RASAL1: variants seen among roughly 807,000 people sequenced by gnomAD.
The protein encoded by RASAL1 is RAS protein activator like 1, also known as rasGAP-activating-like protein 1.
RASAL1 carries 72 observed loss-of-function variants against 96.6 expected under a neutral mutation model. The ratio of observed to expected loss-of-function variants is 0.75; its 90% CI spans 0.62 to 0.91. The LOEUF (loss-of-function observed/expected upper bound fraction) is 0.91. Ranked by LOEUF, RASAL1 falls within the 40% of genes least tolerant of loss-of-function variation. RASAL1 has a pLI of 0.00. For missense variants in RASAL1, 1,016 were observed against 1,072.5 expected (o/e 0.95, Z 0.74); for synonymous variants, 405 against 430.4 (o/e 0.94, Z 0.73).
Position 113,135,586 on chromosome 12 carries a change from C to T in RASAL1, c.-124G>A. 1 of 798,314 alleles carries T rather than the reference C, an allele frequency of 1.3e-6. No individual in the cohort carries two copies. Among genetic ancestry groups the T allele is most frequent in the Non-Finnish European group, 2.0e-6 (1 of 491,214 alleles). The allele number at this position is 798,314 out of a possible 1,614,324, so 49.5% of individuals were successfully genotyped here. A position where few individuals can be genotyped will look rare whatever the true frequency, so the allele number is the denominator to read the frequency against. On this transcript the variant is annotated 5_prime_UTR_variant, in exon 1 of 21. Coordinates refer to ENST00000548055, the MANE Select transcript of RASAL1 (RefSeq NM_001301202.2). The surrounding 1 kb of genome is among the most constrained non-coding windows in gnomAD (Gnocchi z 5.7). Reference sequence around the variant, plus strand: ...CCTCGTGGTCCCAGTGCCGCCTGTCCGAGACCCGGGTAGCTGGATGGGAGA... The same window carrying T: ...CCTCGTGGTCCCAGTGCCGCCTGTCTGAGACCCGGGTAGCTGGATGGGAGA...
In RASAL1 at chr12:113,115,527, A is replaced by C; in HGVS notation, c.1003+108T>G. On this transcript the variant is annotated intron_variant, in intron 10 of 20. Coordinates refer to ENST00000548055, the MANE Select transcript of RASAL1 (RefSeq NM_001301202.2). This position sits in a 1 kb window ranked among gnomAD's most constrained non-coding sequence, Gnocchi z 4.1. ...TGCACAGCACAGGGACCCACAGAAA[A>C]AGGAGCCCTTTTTCCCTCTGCCTGA... The C allele has an allele frequency of 7.1e-7, 1 of 1,411,722 alleles. No individual in the cohort carries two copies. Among genetic ancestry groups the C allele is most frequent in the African/African-American group, 1.4e-5 (1 of 70,016 alleles). 87.4% of individuals were successfully genotyped at this position (1,411,722 alleles called of 1,614,324 possible). A position where few individuals can be genotyped will look rare whatever the true frequency, so the allele number is the denominator to read the frequency against.
At chr12:113,102,111 C>A in intron 18 of RASAL1, 102 bp from the exon 19 acceptor site, 1 of 1,396,020 alleles carries the variant, frequency 7.2e-7, no homozygotes, top group Non-Finnish European at 9.8e-7. Context: ...CTGTAAAATC[C>A]CTCCTCAAAC....
chr12:113,121,513 C>T lies in RASAL1; in HGVS notation c.424G>A (p.Ala142Thr), dbSNP rs776320770. The T allele has an allele frequency of 5.0e-6, 8 of 1,614,172 alleles. No homozygotes were observed. The highest frequency in any genetic ancestry group is 2.5e-6 in the Non-Finnish European group (3 of 1,180,022). Residue 142 changes from alanine to threonine, a missense_variant, in exon 5 of 21, where the codon GCC becomes ACC. Physicochemically the swap from Ala to Thr is moderately conservative, Grantham distance 58. Transcript: ENST00000548055. Reference sequence around the variant, plus strand: ...CCACCTCCACCTTAAGCATACCTGGCCTGAAGCACATGGCAGCGAAGGCAG... The same window carrying T: ...CCACCTCCACCTTAAGCATACCTGGTCTGAAGCACATGGCAGCGAAGGCAG... ...GRCLRCHVLQ[A>T]RDLAPRDISG... is the part of the protein sequence containing the mutation.
chr12:113,133,518 A>G (rs142463372), intron 1 of RASAL1, among the ~76,000 whole-genome samples: 231 of 152,314 alleles, frequency 1.5e-3, no homozygotes, highest in Non-Finnish European at 2.5e-3. Context: ...ACTGACTGCT[A>G]CTATTTCTAA....
chr12:113,109,788 C>T (rs1950803657), intron 13 of RASAL1, among the ~76,000 whole-genome samples: 1 of 152,186 alleles, frequency 6.6e-6, no homozygotes, highest in South Asian at 2.1e-4. Flanking sequence ...GAGCCCTGAA[C>T]TGTCCCCCTC....
In RASAL1 at chr12:113,115,647, C is replaced by A; in HGVS notation, c.991G>T (p.Val331Leu). The change falls in exon 10 of 21, where the codon GTG becomes TTG. Residue 331 changes from valine (V) to leucine (L), a missense_variant. Transcript: ENST00000548055. This position sits in a 1 kb window ranked among gnomAD's most constrained non-coding sequence, Gnocchi z 4.1. ...GCGGGCAACTCACTGGTCCGAGCCACCTCACGCCGGGTGAGATAGTCCAGA... is the reference window on the plus strand; with the variant it reads ...GCGGGCAACTCACTGGTCCGAGCCAACTCACGCCGGGTGAGATAGTCCAGA... ...RFLDYLTRRE[V>L]ARTMDPNTLF... is the part of the protein sequence containing the mutation. 6.2e-7 allele frequency: 1 copy of A among 1,613,422 alleles called. No homozygotes were observed. The highest frequency in any genetic ancestry group is 8.5e-7 in the Non-Finnish European group (1 of 1,179,984).
chr12:113,115,531 A>G lies in RASAL1; in HGVS notation c.1003+104T>C. The G allele has an allele frequency of 1.4e-6, 2 of 1,410,324 alleles. No individual in the cohort carries two copies. The highest frequency in any genetic ancestry group is 1.9e-6 in the Non-Finnish European group (2 of 1,044,460). 87.4% of individuals were successfully genotyped at this position (1,410,324 alleles called of 1,614,324 possible). On this transcript the variant is annotated intron_variant, in intron 10 of 20. Transcript: ENST00000548055. This position sits in a 1 kb window ranked among gnomAD's most constrained non-coding sequence, Gnocchi z 4.1. ...CAGCACAGGGACCCACAGAAAAAGGAGCCCTTTTTCCCTCTGCCTGAGGCC... is the reference window on the plus strand; with the variant it reads ...CAGCACAGGGACCCACAGAAAAAGGGGCCCTTTTTCCCTCTGCCTGAGGCC...
chr12:113,117,095 G>C lies in RASAL1; in HGVS notation c.709C>G (p.Pro237Ala). 1 of 1,608,882 alleles carries C rather than the reference G, an allele frequency of 6.2e-7. No individual in the cohort carries two copies. The stretch of plus-strand genomic sequence containing the variant: ...TACCCAGAATCCTCCTCGGCTCTGG[G>C]AAAGGGCAGGAGGCGGAACCAGCCT... ...PKGWFRLLPF[P>A]RAEEDSGGNL... The change falls in exon 8 of 21, where the codon CCC becomes GCC. Residue 237 changes from proline to alanine, a missense_variant. By Grantham distance (27) the Pro-to-Ala change is conservative. Transcript: ENST00000548055.
intron 7 of RASAL1, 123 bp from the exon 8 acceptor site, chr12:113,117,284 A>G: frequency 7.9e-6 from 5 of 636,066 alleles, no homozygotes; most frequent in East Asian, 3.4e-5. Context: ...ATGGCCTGCC[A>G]GGGGACCCCT....
In RASAL1 at chr12:113,106,536, T is replaced by C. The variant is rs1030711737; in HGVS notation, c.1657+561A>G. On this transcript the variant is annotated intron_variant, in intron 15 of 20. Transcript: ENST00000548055. ...TCTTCTTCACGGGTGTCCTCAGTGC[T>C]GCTCTGTGTCCTACCTCAGGGCCCT... Among the ~76,000 whole-genome samples, 6 of 152,346 alleles carry C rather than the reference T, an allele frequency of 3.9e-5. No individual in the cohort carries two copies. In the Middle Eastern group the frequency reaches 0.01, roughly 259 times the overall value.
At chr12:113,113,043 C>G (rs1022635225) in intron 12 of RASAL1, among the ~76,000 whole-genome samples, 2 of 152,196 alleles carry the variant, frequency 1.3e-5, no homozygotes, top group Non-Finnish European at 2.9e-5. Context: ...TATTTGTTCC[C>G]TACTGTATCG....
chr12:113,105,723 A>G lies in RASAL1; in HGVS notation c.1821T>C (p.Pro607=). ...TGGACTGGAACCCCACCTGCCACTCAGGACTCTTGGAGAAGGAGAGGGTCT... is the reference window on the plus strand; with the variant it reads ...TGGACTGGAACCCCACCTGCCACTCGGGACTCTTGGAGAAGGAGAGGGTCT... ...SGETLSFSKS[P]EWQMCHSIPV... is the part of the protein sequence containing the mutation. Residue 607 remains proline, a synonymous_variant, in exon 16 of 21, where the codon CCT becomes CCC. Transcript: ENST00000548055. 1 of 1,607,760 alleles carries G rather than the reference A, an allele frequency of 6.2e-7. No individual in the cohort carries two copies.
At chr12:113,107,963 C>T (rs910209693) in intron 14 of RASAL1, 122 bp downstream of exon 14, 72 of 1,154,464 alleles carry the variant, frequency 6.2e-5, no homozygotes, top group Non-Finnish European at 6.1e-5. Flanking sequence ...GGTGGTGTTT[C>T]AGACTTGGGT....
Position 113,105,817 on chromosome 12 carries a change from C to T in RASAL1, c.1727G>A (p.Arg576His), listed in dbSNP as rs544486200. 8.7e-6 allele frequency: 14 copies of T among 1,614,178 alleles called. No individual in the cohort carries two copies. Among genetic ancestry groups the T allele is most frequent in the African/African-American group, 2.7e-5 (2 of 75,068 alleles). The change falls in exon 16 of 21, where the codon CGC becomes CAC. Residue 576 changes from arginine (R) to histidine (H), a missense_variant. Arg to His is a conservative substitution (Grantham distance 29). Coordinates refer to ENST00000548055, the MANE Select transcript of RASAL1 (RefSeq NM_001301202.2). ...AIVREGYLLK[R>H]KEEPAGLATR... is the part of the protein sequence containing the mutation. ...GGCCAGGCCGGCAGGCTCCTCCTTG[C>T]GCTTCAGCAGATAGCCTTCTCGAAC... is the stretch of plus-strand genomic sequence containing the variant.
chr12:113,105,568 G>T, intron 16 of RASAL1, 146 bp downstream of exon 16: 2 of 864,518 alleles, frequency 2.3e-6, no homozygotes, highest in Non-Finnish European at 3.6e-6. Context: ...AGCAGAGCCT[G>T]TCCTGAGAGT....
At position 113,117,118 on chromosome 12, in the gene RASAL1, C is replaced by G; in HGVS notation, c.686G>C (p.Gly229Ala). The change falls in exon 8 of 21, where the codon GGC (glycine) becomes GCC (alanine). Residue 229 changes from glycine to alanine, a missense_variant. By Grantham distance (60) the Gly-to-Ala change is moderately conservative (BLOSUM62 0). Coordinates refer to ENST00000548055, the MANE Select transcript of RASAL1 (RefSeq NM_001301202.2). ...PKTLQQKPPK[G>A]WFRLLPFPRA... ...GGGAAAGGGCAGGAGGCGGAACCAG[C>G]CTTTAGGTGGCTTCTGCTGGAGGGT... The G allele has an allele frequency of 6.2e-7, 1 of 1,610,640 alleles. No homozygotes were observed. Among genetic ancestry groups the G allele is most frequent in the South Asian group, 1.1e-5 (1 of 90,698 alleles).
Position 113,135,374 on chromosome 12 carries a change from C to A in RASAL1, c.65+24G>T. The stretch of plus-strand genomic sequence containing the variant: ...CCCCAGGCCTTGCGCGCCCCTCACC[C>A]AGAAGCGCCCGAGGAGTACTCACAC... On this transcript the variant is annotated intron_variant, in intron 1 of 20. Coordinates refer to ENST00000548055, the MANE Select transcript of RASAL1 (RefSeq NM_001301202.2). The surrounding 1 kb of genome is among the most constrained non-coding windows in gnomAD (Gnocchi z 5.7). 1 of 1,599,896 alleles carries A rather than the reference C, an allele frequency of 6.3e-7. No individual in the cohort carries two copies. Among genetic ancestry groups the A allele is most frequent in the East Asian group, 2.3e-5 (1 of 43,816 alleles).
In RASAL1 at chr12:113,103,959, C is replaced by A; in HGVS notation, c.2091G>T (p.Gln697His). The change falls in exon 18 of 21, where the codon CAG becomes CAT. Residue 697 changes from glutamine to histidine, a missense_variant. Physicochemically the swap from Gln to His is conservative, Grantham distance 24. Coordinates refer to ENST00000548055, the MANE Select transcript of RASAL1 (RefSeq NM_001301202.2). ...CTGCCCCCTCACCTGAGCGCTCAGC[C>A]TGGAGGCAGCAGGTCCAGCGCGCGC... ...FRSARWTCCL[Q>H]AERSAAGCSR... The A allele has an allele frequency of 6.4e-7, 1 of 1,559,164 alleles. No individual in the cohort carries two copies. Among genetic ancestry groups the A allele is most frequent in the Non-Finnish European group, 8.7e-7 (1 of 1,153,340 alleles).
chr12:113,121,488 C>G, intron 5 of RASAL1, 21 bp downstream of exon 5: 1 of 1,613,852 alleles, frequency 6.2e-7, no homozygotes, highest in Admixed American at 1.7e-5. Context: ...ACCCTCCACA[C>G]CACCTCCACC....
Sources: gnomAD v4.1 joint callset for allele counts (sites outside exome capture counted in the v4.1 genomes callset) on GRCh38, gnomAD v4.1.1 for gene constraint, Gnocchi (gnomAD v3.1) non-coding constraint, MANE v1.5 for transcripts, NCBI Gene and HGNC (gene_info 2026-07-23, HGNC 2026-07-21) for gene names.